GSDMC: variants seen among roughly 807,000 people sequenced by gnomAD.
GSDMC encodes the protein gasdermin-C.
GSDMC carries 59 observed loss-of-function variants against 58.0 expected under a neutral mutation model. That is an observed-to-expected ratio of 1.02 (90% CI 0.82 to 1.26). The LOEUF (loss-of-function observed/expected upper bound fraction) is 1.26, where lower values mean the gene tolerates loss of function less well. GSDMC is among the 50% of genes most tolerant of loss of function. The pLI, the probability that GSDMC is intolerant of heterozygous loss-of-function variation, is 0.00. For missense variants in GSDMC, 659 were observed against 598.5 expected (o/e 1.10, Z -1.06); for synonymous variants, 241 against 220.2 (o/e 1.09, Z -0.83).
intron 1 of GSDMC, among the ~76,000 whole-genome samples, chr8:129,778,387 G>T (rs764504368): frequency 3.9e-5 from 6 of 152,066 alleles, no homozygotes; most frequent in Non-Finnish European, 7.4e-5. Context: ...AATGGTGCTG[G>T]GATACCTGGC....
Position 129,765,627 on chromosome 8 carries a change from C to A in GSDMC, c.570+1G>T. The A allele has an allele frequency of 1.2e-6, 2 of 1,611,128 alleles. No homozygotes were observed. Among genetic ancestry groups the A allele is most frequent in the South Asian group, 1.1e-5 (1 of 90,944 alleles). Reference sequence around the variant, plus strand: ...AATCCCACTTCAGGACAACTTTATACCTTGCCATAGGTAATCCAAAGAGCA... The same window carrying A: ...AATCCCACTTCAGGACAACTTTATAACTTGCCATAGGTAATCCAAAGAGCA... On this transcript the variant is annotated splice_donor_variant, in intron 4 of 13. Transcript: ENST00000276708. LOFTEE classifies it high-confidence loss of function.
intron 10 of GSDMC, 76 bp downstream of exon 10, chr8:129,751,466 A>G: frequency 7.8e-7 from 1 of 1,278,956 alleles, no homozygotes; most frequent in South Asian, 1.3e-5. Flanking sequence ...TGACTTGCAT[A>G]GAAACCACCA....
the GSDMC span, among the ~76,000 whole-genome samples, chr8:129,736,583 C>T: frequency 6.6e-6 from 1 of 152,190 alleles, no homozygotes; most frequent in Non-Finnish European, 1.5e-5. Flanking sequence ...CGACAAAATT[C>T]AACAGCCCAT....
At chr8:129,740,450 A>C in the GSDMC span, among the ~76,000 whole-genome samples, 2 of 152,086 alleles carry the variant, frequency 1.3e-5, no homozygotes, top group African/African-American at 4.8e-5. Flanking sequence ...TAATTTTTAT[A>C]CTTTATTTTT....
At chr8:129,722,640 G>A in the GSDMC span, among the ~76,000 whole-genome samples, 1 of 152,092 alleles carries the variant, frequency 6.6e-6, no homozygotes, top group Admixed American at 6.6e-5. Context: ...TTTTATTGAT[G>A]TCTATATCCC....
chr8:129,712,271 A>G, the GSDMC span, among the ~76,000 whole-genome samples: 15 of 152,190 alleles, frequency 9.9e-5, no homozygotes, highest in Non-Finnish European at 1.5e-4. Context: ...TTATTTTTCA[A>G]TAGGTATACA....
the GSDMC span, among the ~76,000 whole-genome samples, chr8:129,733,344 G>T: frequency 2.0e-5 from 3 of 152,256 alleles, no homozygotes; most frequent in Non-Finnish European, 4.4e-5. Flanking sequence ...CTCTGAGAAT[G>T]GAAAGACTGC....
intron 3 of GSDMC, among the ~76,000 whole-genome samples, chr8:129,767,236 A>C (rs2033893000): frequency 6.6e-6 from 1 of 151,832 alleles, no homozygotes; most frequent in Non-Finnish European, 1.5e-5. Flanking sequence ...CAACTGACCA[A>C]GGATCCTCCA....
the GSDMC span, among the ~76,000 whole-genome samples, chr8:129,721,786 G>A: frequency 6.6e-6 from 1 of 152,086 alleles, no homozygotes; most frequent in Non-Finnish European, 1.5e-5. Context: ...CTACCAACTG[G>A]CAACCCCATT....
At position 129,750,037 on chromosome 8, in the gene GSDMC, C is replaced by G; in HGVS notation, c.1166G>C (p.Trp389Ser). 1 of 1,611,514 alleles carries G rather than the reference C, an allele frequency of 6.2e-7. No individual in the cohort carries two copies. Among genetic ancestry groups the G allele is most frequent in the Non-Finnish European group, 8.5e-7 (1 of 1,178,864 alleles). Residue 389 changes from tryptophan (W) to serine (S), a missense_variant, in exon 12 of 14, where the codon TGG (tryptophan) becomes TCG (serine). Physicochemically the swap from Trp to Ser is radical, Grantham distance 177. Transcript: ENST00000276708. ...KKLQQDSNHA[W>S]FNPKDPILYL... is the part of the protein sequence containing the mutation. The stretch of plus-strand genomic sequence containing the variant: ...AAGAATGGGGTCCTTTGGGTTAAAC[C>G]ATGCATGGTTTGAATCCTGTTGAAG...
At chr8:129,730,190 C>T in the GSDMC span, 3 of 1,188,360 alleles carry the variant, frequency 2.5e-6, no homozygotes, top group African/African-American at 1.5e-5. Flanking sequence ...TAAAACTGTA[C>T]AACATGTATC....
At chr8:129,724,224 T>C in the GSDMC span, among the ~76,000 whole-genome samples, 2 of 152,208 alleles carry the variant, frequency 1.3e-5, no homozygotes, top group South Asian at 4.1e-4. Flanking sequence ...TTCAGGTGAC[T>C]ATAGCCCTTG....
At chr8:129,745,585 T>C (rs1026801065), downstream of GSDMC, among the ~76,000 whole-genome samples, 1 of 152,250 alleles carries the variant, frequency 6.6e-6, no homozygotes, top group African/African-American at 2.4e-5. Flanking sequence ...TACTATATAA[T>C]ACATTTATTT....
chr8:129,783,309 G>A (rs925538526), intron 1 of GSDMC, among the ~76,000 whole-genome samples: 1 of 152,046 alleles, frequency 6.6e-6, no homozygotes, highest in African/African-American at 2.4e-5. Context: ...AATTGTCCTT[G>A]TTTGTGGATG....
At chr8:129,727,783 C>T in the GSDMC span, among the ~76,000 whole-genome samples, 1,806 of 152,236 alleles carry the variant, frequency 0.012, 36 homozygotes, top group African/African-American at 0.042. Flanking sequence ...GTAGGAGCCT[C>T]CACAGTCAGA....
chr8:129,710,467 A>AAAG, the GSDMC span, among the ~76,000 whole-genome samples: 1 of 152,162 alleles, frequency 6.6e-6, no homozygotes, highest in African/African-American at 2.4e-5. Flanking sequence ...TGGGATCATA[A>AAAG]AAGAAGGGGA....
the GSDMC span, among the ~76,000 whole-genome samples, chr8:129,731,838 C>A: frequency 1.3e-5 from 2 of 152,088 alleles, no homozygotes; most frequent in Admixed American, 1.3e-4. Context: ...AAATATATGA[C>A]CAAATAGTTG....
At chr8:129,743,615 G>A (rs1339928576), downstream of GSDMC, among the ~76,000 whole-genome samples, 2 of 152,096 alleles carry the variant, frequency 1.3e-5, no homozygotes, top group Non-Finnish European at 1.5e-5. Flanking sequence ...CTCTTCCCAT[G>A]TGTAGTAATA....
At chr8:129,709,539 A>T in the GSDMC span, among the ~76,000 whole-genome samples, 3 of 121,480 alleles carry the variant, frequency 2.5e-5, no homozygotes, top group African/African-American at 1.5e-4. Context: ...TAGTTGATAT[A>T]GATAGATAAT....
Sources: allele counts gnomAD v4.1 joint callset (sites outside exome capture counted in the v4.1 genomes callset), GRCh38; gene constraint gnomAD v4.1.1; transcripts MANE v1.5; gene names NCBI Gene and HGNC (gene_info 2026-07-23, HGNC 2026-07-21).